Variants in KIF5C observed in about 807,000 individuals in gnomAD.
The protein encoded by KIF5C is kinesin heavy chain isoform 5C.
A neutral mutation model predicts 125.2 loss-of-function variants in KIF5C; 18 were observed. The ratio of observed to expected loss-of-function variants is 0.14; its 90% confidence interval spans 0.10 to 0.21. The LOEUF is 0.21. Ranked by LOEUF, KIF5C falls within the 10% of genes least tolerant of loss-of-function variation. The probability of loss-of-function intolerance (pLI) is 1.00; values close to 1 mark genes in which losing one functional copy is unlikely to be tolerated. For synonymous variants in KIF5C, 405 were observed against 434.0 expected (o/e 0.93, Z 0.83); for missense variants, 780 against 1,183.8 (o/e 0.66, Z 5.01).
At chr2:148,991,851 T>C (rs1681535464) in intron 16 of KIF5C, among the ~76,000 whole-genome samples, 1 of 152,216 alleles carries the variant, frequency 6.6e-6, no homozygotes, top group Non-Finnish European at 1.5e-5. Flanking sequence ...TTCACTTGCC[T>C]ATTGAGTAAG....
chr2:148,898,060 T>G (rs1574700969), intron 1 of KIF5C, among the ~76,000 whole-genome samples: 1 of 150,116 alleles, frequency 6.7e-6, no homozygotes, highest in Middle Eastern at 3.4e-3. Context: ...CACTGTGCCT[T>G]CCTCCCATCA....
In KIF5C at chr2:148,962,006, T is replaced by A; in HGVS notation, c.1004T>A (p.Leu335Gln). Reference sequence around the variant, plus strand: ...ATCAAGAATACAGTCTCTGTGAACCTAGAACTGACAGCAGAAGAATGGAAG... The same window carrying A: ...ATCAAGAATACAGTCTCTGTGAACCAAGAACTGACAGCAGAAGAATGGAAG... ...KTIKNTVSVN[L>Q]ELTAEEWKKK... Residue 335 changes from leucine to glutamine, a missense_variant, in exon 11 of 26, where the codon CTA becomes CAA. Leu to Gln is a moderately radical substitution (Grantham distance 113). Coordinates refer to ENST00000435030, the MANE Select transcript of KIF5C (RefSeq NM_004522.3). 6.2e-7 allele frequency: 1 copy of A among 1,613,760 alleles called. No individual in the cohort carries two copies.
intron 8 of KIF5C, among the ~76,000 whole-genome samples, chr2:148,948,356 C>T (rs796963877): frequency 9.0e-5 from 7 of 78,168 alleles, no homozygotes; most frequent in African/African-American, 3.7e-4. Flanking sequence ...GACTCTGTCT[C>T]AAAAAAAAAA....
At chr2:149,002,146 T>C (rs1681868374) in intron 21 of KIF5C, among the ~76,000 whole-genome samples, 1 of 152,258 alleles carries the variant, frequency 6.6e-6, no homozygotes. Context: ...ATCCTAATTA[T>C]AGATAATTAT....
chr2:148,937,765 G>C (rs1186001930), intron 4 of KIF5C, among the ~76,000 whole-genome samples: 2 of 152,214 alleles, frequency 1.3e-5, no homozygotes, highest in Non-Finnish European at 1.5e-5. Flanking sequence ...CAGGGAAAAG[G>C]GCTGTAAGGC....
chr2:148,884,138 C>G (rs753865481), intron 1 of KIF5C: 1 of 152,142 alleles, frequency 6.6e-6, no homozygotes, highest in Non-Finnish European at 1.5e-5. Flanking sequence ...CATGGCAATG[C>G]CTTCAGACTT....
At chr2:148,896,721 C>G (rs1056159483) in intron 1 of KIF5C, among the ~76,000 whole-genome samples, 3 of 152,198 alleles carry the variant, frequency 2.0e-5, no homozygotes, top group African/African-American at 4.8e-5. Flanking sequence ...TGGTAACTAT[C>G]ATCCTGTGAA....
intron 1 of KIF5C, among the ~76,000 whole-genome samples, chr2:148,900,175 A>C (rs1164753835): frequency 1.3e-5 from 2 of 152,108 alleles, no homozygotes; most frequent in African/African-American, 4.8e-5. Context: ...TATTCCCCAA[A>C]GATGTCTCTA....
chr2:148,962,442 G>T (rs757358304), intron 11 of KIF5C, among the ~76,000 whole-genome samples: 1 of 151,792 alleles, frequency 6.6e-6, no homozygotes, highest in African/African-American at 2.4e-5. Flanking sequence ...GCCTCCCAAA[G>T]TGCTGGGATT....
intron 10 of KIF5C, among the ~76,000 whole-genome samples, chr2:148,951,927 A>G (rs189539018): frequency 6.6e-6 from 1 of 152,330 alleles, no homozygotes; most frequent in East Asian, 1.9e-4. Flanking sequence ...TGAGCCCTCA[A>G]CAGAACATAG....
In KIF5C at chr2:149,007,856, A is replaced by T. The variant is rs924225227; in HGVS notation, c.2446-107A>T. On this transcript the variant is annotated intron_variant, in intron 22 of 25. Coordinates refer to ENST00000435030, the MANE Select transcript of KIF5C (RefSeq NM_004522.3). Reference sequence around the variant, plus strand: ...TTAGAACCTCTATTTTCACTTTCAGAATACCCTTTGGTGGGAATGGGGATT... The same window carrying T: ...TTAGAACCTCTATTTTCACTTTCAGTATACCCTTTGGTGGGAATGGGGATT... 4 of 1,240,078 alleles carry T rather than the reference A, an allele frequency of 3.2e-6. No homozygotes were observed. In the African/African-American group the frequency reaches 6.0e-5, roughly 18 times the overall value. The allele number at this position is 1,240,078 out of a possible 1,614,324, so 76.8% of individuals were successfully genotyped here. A position where few individuals can be genotyped will look rare whatever the true frequency, so the allele number is the denominator to read the frequency against.
intron 19 of KIF5C, among the ~76,000 whole-genome samples, chr2:148,999,604 C>A (rs1316297617): frequency 6.6e-6 from 1 of 152,220 alleles, no homozygotes; most frequent in Non-Finnish European, 1.5e-5. Context: ...GTGCTTTTCC[C>A]CTTCAGGGAT....
chr2:149,009,457 A>G (rs933960123), intron 23 of KIF5C, among the ~76,000 whole-genome samples: 2 of 152,152 alleles, frequency 1.3e-5, no homozygotes, highest in African/African-American at 2.4e-5. Context: ...TGGGTCCCCT[A>G]TTATGTAGTA....
At chr2:148,950,492 T>C (rs1205569715) in intron 10 of KIF5C, 30 bp downstream of exon 10, 5 of 1,604,216 alleles carry the variant, frequency 3.1e-6, no homozygotes, top group Non-Finnish European at 3.4e-6. Context: ...ACCCATCCTC[T>C]GTGCTAGGTC....
chr2:148,914,005 A>G (rs560023342), intron 1 of KIF5C, among the ~76,000 whole-genome samples: 12 of 152,322 alleles, frequency 7.9e-5, no homozygotes, highest in African/African-American at 2.6e-4. Flanking sequence ...CTCTCATGCT[A>G]TAGGTCAAGG....
chr2:148,890,570 G>A (rs1440123415), intron 1 of KIF5C, among the ~76,000 whole-genome samples: 1 of 152,174 alleles, frequency 6.6e-6, no homozygotes, highest in East Asian at 1.9e-4. Flanking sequence ...CTTTTGAGAG[G>A]CCTGAGTATA....
At chr2:148,914,387 GC>G (rs1249688316) in intron 1 of KIF5C, among the ~76,000 whole-genome samples, 1 of 152,196 alleles carries the variant, frequency 6.6e-6, no homozygotes, top group Non-Finnish European at 1.5e-5. Context: ...TCTTCTTTAT[GC>G]CTGTTAGCCA....
chr2:148,932,216 G>A (rs367841554), intron 3 of KIF5C, among the ~76,000 whole-genome samples: 1 of 152,286 alleles, frequency 6.6e-6, no homozygotes. Context: ...TACACATTGT[G>A]ATCTTCCAAA....
Position 148,880,921 on chromosome 2 carries a change from C to T in KIF5C, c.126+5178C>T, listed in dbSNP as rs1243344643. ...GGTAGCAGGAAGGGTGAGACAAAAC[C>T]GAGTGTAGATTCACTAGCTAAAAAA... is the stretch of plus-strand genomic sequence containing the variant. On this transcript the variant is annotated intron_variant, in intron 1 of 25. Coordinates refer to ENST00000435030, the MANE Select transcript of KIF5C (RefSeq NM_004522.3). 5.4e-5 allele frequency among the ~76,000 whole-genome samples: 8 copies of T among 149,048 alleles called. No individual in the cohort carries two copies. The East Asian group carries it at 7.8e-4, about 15-fold the overall frequency.
Sources: allele counts gnomAD v4.1 joint callset (sites outside exome capture counted in the v4.1 genomes callset), GRCh38; gene constraint gnomAD v4.1.1; transcripts MANE v1.5; gene names NCBI Gene and HGNC (gene_info 2026-07-23, HGNC 2026-07-21).